Variants in C8orf34 observed in about 807,000 individuals in gnomAD.
C8orf34 encodes the protein chromosome 8 open reading frame 34.
In C8orf34, 65 loss-of-function variants were observed where a neutral mutation model predicts 68.3. The ratio of observed to expected loss-of-function variants is 0.95; its 90% CI spans 0.78 to 1.17. The LOEUF (loss-of-function observed/expected upper bound fraction) is 1.17, where lower values mean the gene tolerates loss of function less well. Ranked by LOEUF, C8orf34 falls within the 50% of genes most tolerant of loss-of-function variation. The probability of loss-of-function intolerance (pLI) is 0.00; values close to 1 mark genes in which losing one functional copy is unlikely to be tolerated. For synonymous variants in C8orf34, 244 were observed against 241.2 expected, an observed-to-expected ratio of 1.01 and a Z score of -0.11; for missense variants, 664 against 655.4, an observed-to-expected ratio of 1.01 and a Z score of -0.14.
chr8:68,808,767 C>T (rs1824559985), intron 12 of C8orf34, among the ~76,000 whole-genome samples: 2 of 152,052 alleles, frequency 1.3e-5, no homozygotes, highest in African/African-American at 4.8e-5. Flanking sequence ...TTAATATCCG[C>T]AGGGGTCTTG....
At chr8:68,462,084 G>A (rs1009450750) in intron 3 of C8orf34, among the ~76,000 whole-genome samples, 25 of 151,962 alleles carry the variant, frequency 1.6e-4, no homozygotes, top group African/African-American at 5.8e-4. Context: ...CAAAATAAAA[G>A]GATGGAGGAA....
At chr8:68,729,589 C>T (rs1015424797) in intron 10 of C8orf34, among the ~76,000 whole-genome samples, 2 of 152,086 alleles carry the variant, frequency 1.3e-5, no homozygotes, top group Admixed American at 6.6e-5. Flanking sequence ...AAGATCTATA[C>T]ATTTGATTCC....
intron 4 of C8orf34, among the ~76,000 whole-genome samples, chr8:68,476,517 AG>A (rs1168209186): frequency 3.3e-5 from 5 of 152,194 alleles, no homozygotes; most frequent in Non-Finnish European, 5.9e-5. Flanking sequence ...AATAGTAAAA[AG>A]GATAGTTTTA....
At chr8:68,419,792 C>T (rs1311478706) in intron 1 of C8orf34, among the ~76,000 whole-genome samples, 1 of 128,868 alleles carries the variant, frequency 7.8e-6, no homozygotes, top group East Asian at 2.3e-4. Flanking sequence ...AACACATGGA[C>T]ACAGGAAGGG....
intron 8 of C8orf34, among the ~76,000 whole-genome samples, chr8:68,680,582 G>A (rs1820339074): frequency 6.6e-6 from 1 of 152,082 alleles, no homozygotes; most frequent in South Asian, 2.1e-4. Context: ...GCTTCAAAAG[G>A]CAAAAAGCAG....
intron 7 of C8orf34, among the ~76,000 whole-genome samples, chr8:68,574,344 C>T (rs1026344629): frequency 6.6e-5 from 10 of 151,972 alleles, no homozygotes; most frequent in African/African-American, 2.4e-4. Context: ...ATGTGATATG[C>T]TCTGAACCTC....
At chr8:68,619,439 A>G in intron 7 of C8orf34, among the ~76,000 whole-genome samples, 1 of 152,178 alleles carries the variant, frequency 6.6e-6, no homozygotes, top group African/African-American at 2.4e-5. Flanking sequence ...GCAGGCTGTA[A>G]TAAACAAGGC....
At position 68,439,594 on chromosome 8, in the gene C8orf34, T is replaced by C; in HGVS notation, c.423T>C (p.Leu141=). The C allele has an allele frequency of 1.2e-6, 2 of 1,613,686 alleles. No individual in the cohort carries two copies. The highest frequency in any genetic ancestry group is 1.7e-6 in the Non-Finnish European group (2 of 1,179,746). ...LQSKQGNRGQ[L]QRTLSGSAAL... is the part of the protein sequence containing the mutation. The stretch of plus-strand genomic sequence containing the variant: ...CTAAACAAGGGAACCGTGGACAACT[T>C]CAAAGAACTTTGTCTGGATCTGCAG... Residue 141 remains leucine (L), a synonymous_variant, in exon 2 of 14, where the codon CTT becomes CTC. Coordinates refer to ENST00000518698, the MANE Select transcript of C8orf34 (RefSeq NM_052958.4).
intron 8 of C8orf34, 134 bp downstream of exon 8, chr8:68,640,645 C>A: frequency 1.1e-6 from 1 of 871,110 alleles, no homozygotes; most frequent in Non-Finnish European, 1.7e-6. Flanking sequence ...CTAATATTGG[C>A]AAGGGAGTTA....
At chr8:68,367,912 GAAAAAAAAAAAAAAA>G (rs61562318) in intron 1 of C8orf34, among the ~76,000 whole-genome samples, 2 of 79,116 alleles carry the variant, frequency 2.5e-5, no homozygotes, top group African/African-American at 4.5e-5. Flanking sequence ...AAAAAGAAAA[GAAAAAAAAAAAAAAA>G]AAAAAAAAAA....
At chr8:68,675,127 C>T (rs1321737138) in intron 8 of C8orf34, among the ~76,000 whole-genome samples, 2 of 152,080 alleles carry the variant, frequency 1.3e-5, no homozygotes, top group Admixed American at 1.3e-4. Context: ...TTCATCAACA[C>T]CAGACCTGTT....
chr8:68,728,230 A>G (rs1821887133), intron 10 of C8orf34, among the ~76,000 whole-genome samples: 1 of 152,182 alleles, frequency 6.6e-6, no homozygotes, highest in Non-Finnish European at 1.5e-5. Flanking sequence ...CTAAAACATA[A>G]CAAGAGTCAC....
intron 7 of C8orf34, among the ~76,000 whole-genome samples, chr8:68,618,280 T>G (rs1818287158): frequency 1.3e-5 from 2 of 152,140 alleles, no homozygotes; most frequent in Non-Finnish European, 2.9e-5. Flanking sequence ...TCTTTAGATA[T>G]TTTGCTCTCC....
At chr8:68,718,621 C>T (rs1363074083) in intron 9 of C8orf34, among the ~76,000 whole-genome samples, 2 of 152,194 alleles carry the variant, frequency 1.3e-5, no homozygotes, top group Non-Finnish European at 2.9e-5. Flanking sequence ...TTTATGTCAA[C>T]TGTGCATCCA....
intron 8 of C8orf34, among the ~76,000 whole-genome samples, chr8:68,643,466 C>A (rs1169663619): frequency 1.3e-5 from 2 of 152,104 alleles, no homozygotes; most frequent in African/African-American, 4.8e-5. Flanking sequence ...TAAAATAACA[C>A]AGAAATACCA....
intron 7 of C8orf34, among the ~76,000 whole-genome samples, chr8:68,608,287 C>A (rs1817914715): frequency 6.7e-6 from 1 of 150,344 alleles, no homozygotes; most frequent in African/African-American, 2.5e-5. Context: ...GAGATGAAGG[C>A]TGTGGTAATA....
chr8:68,567,823 A>T (rs1460218189), intron 7 of C8orf34, among the ~76,000 whole-genome samples: 4 of 150,896 alleles, frequency 2.7e-5, no homozygotes, highest in Admixed American at 2.6e-4. Context: ...TTGTTCTTGC[A>T]TTCGCAACTT....
intron 1 of C8orf34, among the ~76,000 whole-genome samples, chr8:68,370,924 G>T (rs914378761): frequency 1.3e-5 from 2 of 152,114 alleles, no homozygotes; most frequent in African/African-American, 4.8e-5. Context: ...TCTCCTACAG[G>T]GTCACATTTT....
intron 7 of C8orf34, among the ~76,000 whole-genome samples, chr8:68,567,820 T>G (rs1413463687): frequency 6.6e-6 from 1 of 151,948 alleles, no homozygotes; most frequent in Non-Finnish European, 1.5e-5. Context: ...GGTTTGTTCT[T>G]GCATTCGCAA....
Sources: gnomAD v4.1 joint callset for allele counts (sites outside exome capture counted in the v4.1 genomes callset) on GRCh38, gnomAD v4.1.1 for gene constraint, MANE v1.5 for transcripts, NCBI Gene and HGNC (gene_info 2026-07-23, HGNC 2026-07-21) for gene names.